Variants in FGF14 observed in about 807,000 individuals in gnomAD.
FGF14 encodes the protein fibroblast growth factor 14.
In FGF14, 5 loss-of-function variants were observed where a neutral mutation model predicts 25.5. The ratio of observed to expected loss-of-function variants is 0.20; its 90% CI spans 0.10 to 0.41. The LOEUF (loss-of-function observed/expected upper bound fraction) is 0.41, where lower values mean the gene tolerates loss of function less well. Among genes scored for constraint, FGF14 ranks in the 10% least tolerant of loss-of-function variants. The pLI is 1.00. For missense variants in FGF14, 222 were observed against 320.1 expected, an observed-to-expected ratio of 0.69 and a Z score of 2.34; for synonymous variants, 138 against 118.3, an observed-to-expected ratio of 1.17 and a Z score of -1.08.
chr13:102,116,650 C>T lies in FGF14; in HGVS notation c.209-241354G>A, dbSNP rs572779540. Among the ~76,000 whole-genome samples the T allele has an allele frequency of 4.6e-5, 7 of 151,952 alleles. No homozygotes were observed. In the South Asian group the frequency reaches 1.3e-3, roughly 27 times the overall value. On this transcript the variant is annotated intron_variant, in intron 1 of 4. Coordinates refer to the FGF14 transcript ENST00000376131. ...TAAAGACCTAAAGTATATCAGAGGG[C>T]GCCAGGAACAGGGGCATGAGGGAAT...
At chr13:101,989,019 G>T (rs1223402582) in intron 1 of FGF14, among the ~76,000 whole-genome samples, 1 of 151,968 alleles carries the variant, frequency 6.6e-6, no homozygotes, top group East Asian at 1.9e-4. Flanking sequence ...TTTTCAGGTT[G>T]CTTGAGAAAT....
rs1175745859 is a variant in FGF14, at chr13:101,771,006, CTAAAT to C, written c.409-44201_409-44197del. Among the ~76,000 whole-genome samples, 13 of 152,062 alleles carry C rather than the reference CTAAAT, an allele frequency of 8.5e-5. No homozygotes were observed. In the South Asian group the frequency reaches 1.0e-3, roughly 12 times the overall value. On this transcript the variant is annotated intron_variant, in intron 3 of 4. Coordinates refer to ENST00000376143, the MANE Select transcript of FGF14 (RefSeq NM_004115.4). ...CTATATTAAATTATATTAAACTATA[CTAAAT>C]TAAATTAAAACTGTGTGAATATTTT...
chr13:102,383,920 T>A lies in FGF14; in HGVS notation c.208+17551A>T, dbSNP rs943792871. Among the ~76,000 whole-genome samples the A allele has an allele frequency of 5.9e-5, 9 of 152,288 alleles. No individual in the cohort carries two copies. In the South Asian group the frequency reaches 6.2e-4, roughly 11 times the overall value. On this transcript the variant is annotated intron_variant, in intron 1 of 4. Coordinates refer to the FGF14 transcript ENST00000376131. ...TTAAAAATGTTACAAAAAATTTTAA[T>A]ATCTTTTTTAAAAGGAGACCAACTC... is the stretch of plus-strand genomic sequence containing the variant.
At chr13:101,979,486 C>T (rs73569551) in intron 1 of FGF14, among the ~76,000 whole-genome samples, 2,340 of 152,086 alleles carry the variant, frequency 0.015, 68 homozygotes, top group African/African-American at 0.053. Context: ...AAGAGAAAAC[C>T]GAGGAACAGA....
intron 1 of FGF14, among the ~76,000 whole-genome samples, chr13:101,938,215 T>C (rs1274403124): frequency 1.3e-5 from 2 of 152,186 alleles, no homozygotes; most frequent in African/African-American, 2.4e-5. Context: ...AATCCACTTA[T>C]GAATAAAAAG....
intron 3 of FGF14, among the ~76,000 whole-genome samples, chr13:101,811,832 TTGAA>T (rs761232006): frequency 2.1e-4 from 32 of 152,284 alleles, no homozygotes; most frequent in Non-Finnish European, 4.4e-4. Context: ...AAACTGCTGT[TTGAA>T]TGAGCCTCAC....
At chr13:102,226,218 C>A (rs917567842) in intron 1 of FGF14, among the ~76,000 whole-genome samples, 8 of 152,134 alleles carry the variant, frequency 5.3e-5, no homozygotes, top group African/African-American at 1.9e-4. Context: ...AGAACTTGGT[C>A]ATTTATTGGC....
chr13:102,299,932 AT>A, intron 1 of FGF14: 1 of 152,322 alleles, frequency 6.6e-6, no homozygotes, highest in African/African-American at 2.4e-5. Flanking sequence ...GAATTGAACC[AT>A]TAAAAGTTCG....
At chr13:102,001,283 A>G (rs1299775237) in intron 1 of FGF14, among the ~76,000 whole-genome samples, 2 of 152,210 alleles carry the variant, frequency 1.3e-5, no homozygotes, top group Admixed American at 6.5e-5. Flanking sequence ...GGAAATAAGG[A>G]AAATCATCCT....
At chr13:102,150,242 A>G (rs2047024061) in intron 1 of FGF14, among the ~76,000 whole-genome samples, 1 of 151,890 alleles carries the variant, frequency 6.6e-6, no homozygotes. Flanking sequence ...AAATCTATGA[A>G]GCCCTAAATG....
At chr13:101,785,022 C>G (rs961280559) in intron 3 of FGF14, among the ~76,000 whole-genome samples, 4 of 152,094 alleles carry the variant, frequency 2.6e-5, no homozygotes, top group African/African-American at 9.7e-5. Context: ...GAGGAAACAA[C>G]CAACCCCAGA....
chr13:101,819,129 C>A (rs1474922623), intron 3 of FGF14, among the ~76,000 whole-genome samples: 1 of 152,092 alleles, frequency 6.6e-6, no homozygotes, highest in Non-Finnish European at 1.5e-5. Flanking sequence ...TTGTTTATCC[C>A]AAATTTACAG....
At chr13:101,810,156 A>C (rs2041419659) in intron 3 of FGF14, among the ~76,000 whole-genome samples, 1 of 152,196 alleles carries the variant, frequency 6.6e-6, no homozygotes, top group Admixed American at 6.6e-5. Flanking sequence ...CAAAACCATT[A>C]GTAGGAGGGG....
intron 1 of FGF14, among the ~76,000 whole-genome samples, chr13:102,021,912 C>CAA (rs1236064212): frequency 1.3e-5 from 2 of 152,056 alleles, no homozygotes; most frequent in South Asian, 4.1e-4. Context: ...CCCCAAACCC[C>CAA]AGTCTCCTCA....
rs76139150 is a variant in FGF14, at chr13:101,847,560, A to G, written c.408+21165T>C. Among the ~76,000 whole-genome samples, 193 of 152,240 alleles carry G rather than the reference A, an allele frequency of 1.3e-3. 3 individuals carry two copies. Among genetic ancestry groups the G allele is most frequent in the Non-Finnish European group, 1.5e-3 (100 of 67,990 alleles). Reference sequence around the variant, plus strand: ...TTTGTGATTAAGCATGTCTGTATAGACAAAAACATGATAATTAGCCAAGTA... The same window carrying G: ...TTTGTGATTAAGCATGTCTGTATAGGCAAAAACATGATAATTAGCCAAGTA... On this transcript the variant is annotated intron_variant, in intron 3 of 4. Coordinates refer to ENST00000376143, the MANE Select transcript of FGF14 (RefSeq NM_004115.4).
chr13:101,758,027 TGA>T (rs2037773069), intron 3 of FGF14, among the ~76,000 whole-genome samples: 1 of 152,206 alleles, frequency 6.6e-6, no homozygotes, highest in African/African-American at 2.4e-5. Context: ...ACATCTAACA[TGA>T]CTGCTTATAT....
chr13:102,031,952 T>G (rs2041233074), intron 1 of FGF14, among the ~76,000 whole-genome samples: 1 of 152,118 alleles, frequency 6.6e-6, no homozygotes, highest in African/African-American at 2.4e-5. Flanking sequence ...ATTGCCGTAC[T>G]TTTCTAACAT....
At chr13:102,006,831 G>C (rs891421934) in intron 1 of FGF14, among the ~76,000 whole-genome samples, 5 of 130,522 alleles carry the variant, frequency 3.8e-5, no homozygotes, top group Non-Finnish European at 7.7e-5. Context: ...TGCAAGCTCC[G>C]CTTCCCGGGT....
At chr13:102,148,773 A>G (rs141591076) in intron 1 of FGF14, among the ~76,000 whole-genome samples, 8,572 of 152,294 alleles carry the variant, frequency 0.056, 282 homozygotes, top group Middle Eastern at 0.17. Flanking sequence ...CCTGGGCAAC[A>G]GGGCGAGACT....
Sources: gnomAD v4.1 joint callset for allele counts (sites outside exome capture counted in the v4.1 genomes callset) on GRCh38, gnomAD v4.1.1 for gene constraint, MANE v1.5 for transcripts, NCBI Gene and HGNC (gene_info 2026-07-23, HGNC 2026-07-21) for gene names.